Variants in CASTOR1 observed in about 807,000 individuals in gnomAD.
CASTOR1 encodes cytosolic arginine sensor for mTORC1 subunit 1, also known as GATS protein like 3.
A neutral mutation model predicts 33.7 loss-of-function variants in CASTOR1; 18 were observed. The ratio of observed to expected loss-of-function variants is 0.53; its 90% CI spans 0.37 to 0.79. CASTOR1 has a LOEUF of 0.79. CASTOR1 is among the 30% of genes least tolerant of loss of function. The probability of loss-of-function intolerance (pLI) is 0.00; values close to 1 mark genes in which losing one functional copy is unlikely to be tolerated. For synonymous variants in CASTOR1, 175 were observed against 190.6 expected (o/e 0.92, Z 0.67); for missense variants, 362 against 446.3 (o/e 0.81, Z 1.70).
chr22:30,286,450 G>T (rs947786475), intron 5 of CASTOR1, 74 bp from the exon 6 acceptor site: 2 of 1,035,122 alleles, frequency 1.9e-6, no homozygotes, highest in African/African-American at 1.6e-5. Context: ...TCAGCCTCCA[G>T]AACCCTGGGA....
chr22:30,289,269 ACCCGCTCCCG>A, intron 1 of CASTOR1, 106 bp downstream of exon 1: 2 of 808,298 alleles, frequency 2.5e-6, no homozygotes, highest in South Asian at 3.0e-5. Context: ...AGTCCTCCCC[ACCCGCTCCCG>A]CCCGCCTGCC....
In CASTOR1 at chr22:30,288,792, G is replaced by A; in HGVS notation, c.114-16C>T. 6.2e-7 allele frequency: 1 copy of A among 1,605,158 alleles called. No individual in the cohort carries two copies. The highest frequency in any genetic ancestry group is 2.3e-5 in the East Asian group (1 of 44,430). ...GAACTTGCACCTGGTTGGGGGTGGG[G>A]AGCATCTTCAGCTTGGTGTGGAGAA... is the stretch of plus-strand genomic sequence containing the variant. On this transcript the variant is annotated splice_polypyrimidine_tract_variant and intron_variant, in intron 1 of 8. Transcript: ENST00000407689.
chr22:30,288,634 C>T, intron 2 of CASTOR1, 72 bp downstream of exon 2: 2 of 1,337,974 alleles, frequency 1.5e-6, no homozygotes, highest in Non-Finnish European at 1.1e-6. Flanking sequence ...ATCCCAGCAA[C>T]TGGTGAGAAC....
intron 6 of CASTOR1, 35 bp from the exon 7 acceptor site, chr22:30,286,133 C>G (rs770698252): frequency 6.7e-7 from 1 of 1,481,538 alleles, no homozygotes; most frequent in Admixed American, 1.9e-5. Flanking sequence ...CAGGGCACCC[C>G]CATCCACCCC....
At position 30,287,367 on chromosome 22, in the gene CASTOR1, A is replaced by G. The variant is rs1464973229; in HGVS notation, c.372+6T>C. 2 of 1,607,694 alleles carry G rather than the reference A, an allele frequency of 1.2e-6. No homozygotes were observed. Among genetic ancestry groups the G allele is most frequent in the Non-Finnish European group, 1.7e-6 (2 of 1,175,970 alleles). On this transcript the variant is annotated splice_donor_region_variant and intron_variant, in intron 3 of 8. Transcript: ENST00000407689. ...TGCTCTGCATCAGCACCAGCAGGAA[A>G]CTCACCAGGATGAAGTCCGTCTGGT...
intron 6 of CASTOR1, 41 bp downstream of exon 6, chr22:30,286,222 G>A: frequency 6.6e-7 from 1 of 1,516,032 alleles, no homozygotes; most frequent in Non-Finnish European, 9.1e-7. Context: ...GCCTGGGACT[G>A]GCTGGGGCCT....
chr22:30,285,883 G>A lies in CASTOR1; in HGVS notation c.870C>T (p.Ala290=), dbSNP rs374186822. 3.2e-5 allele frequency: 51 copies of A among 1,610,596 alleles called. No homozygotes were observed. Among genetic ancestry groups the A allele is most frequent in the East Asian group, 4.5e-5 (2 of 44,820 alleles). Residue 290 remains alanine, a synonymous_variant, in exon 8 of 9, where the codon GCC becomes GCT. Coordinates refer to ENST00000407689, the MANE Select transcript of CASTOR1 (RefSeq NM_001037666.3). ...TGATGTAGTAGGCAGAGATGTCAGCGGCAGCCAGGGGACCTGCAATCTGTG... is the reference window on the plus strand; with the variant it reads ...TGATGTAGTAGGCAGAGATGTCAGCAGCAGCCAGGGGACCTGCAATCTGTG... ...IVAQIAGPLA[A]ADISAYYIST...
chr22:30,288,986 C>CCA, intron 1 of CASTOR1: 1 of 560,150 alleles, frequency 1.8e-6, no homozygotes, highest in East Asian at 3.1e-5. Flanking sequence ...CAGGAACCCT[C>CCA]CACCCCTCCA....
In CASTOR1 at chr22:30,286,857, G is replaced by A. The variant is rs764378322; in HGVS notation, c.597C>T (p.Thr199=). The change falls in exon 5 of 9, where the codon ACC becomes ACT. Residue 199 remains threonine, a synonymous_variant. Coordinates refer to ENST00000407689, the MANE Select transcript of CASTOR1 (RefSeq NM_001037666.3). ...LDPETLPAIA[T]TLIDVLFYSH... is the part of the protein sequence containing the mutation. ...AGTAGAAGAGGACATCTATGAGGGT[G>A]GTGGCGATGGCTGGAAGCGTCTCAG... 6.2e-7 allele frequency: 1 copy of A among 1,614,234 alleles called. No individual in the cohort carries two copies. Among genetic ancestry groups the A allele is most frequent in the Non-Finnish European group, 8.5e-7 (1 of 1,180,038 alleles).
Position 30,285,580 on chromosome 22 carries a change from C to A in CASTOR1, c.*40G>T, listed in dbSNP as rs748428899. The A allele has an allele frequency of 6.8e-6, 10 of 1,468,356 alleles. No homozygotes were observed. In the African/African-American group the frequency reaches 9.9e-5, roughly 14 times the overall value. The allele number at this position is 1,468,356 out of a possible 1,614,324, so 91.0% of individuals were successfully genotyped here. On this transcript the variant is annotated 3_prime_UTR_variant, in exon 9 of 9. Transcript: ENST00000407689. ...TAGAGAAGTCTTTGGAAGCCTGGGT[C>A]GAGGGGAGAGCAGGGAGGCTGCTCT...
chr22:30,285,458 C>T lies in CASTOR1; in HGVS notation c.*162G>A, dbSNP rs1014403433. 1.3e-5 allele frequency: 8 copies of T among 602,232 alleles called. No individual in the cohort carries two copies. Among genetic ancestry groups the T allele is most frequent in the South Asian group, 5.9e-5 (3 of 50,972 alleles). The allele number at this position is 602,232 out of a possible 1,614,324, so 37.3% of individuals were successfully genotyped here. A position where few individuals can be genotyped will look rare whatever the true frequency, so the allele number is the denominator to read the frequency against. ...ACCTGTGAGTGTACACAGGTGTCCG[C>T]GTAAAAGCCGGTGCCTGCACGCAGC... is the stretch of plus-strand genomic sequence containing the variant. On this transcript the variant is annotated 3_prime_UTR_variant, in exon 9 of 9. Coordinates refer to ENST00000407689, the MANE Select transcript of CASTOR1 (RefSeq NM_001037666.3).
chr22:30,289,442 CCGGGACGGGCG>C lies in CASTOR1; in HGVS notation c.45_55del (p.Ala16SerfsTer30). On this transcript the variant is annotated frameshift_variant, in exon 1 of 9. Transcript: ENST00000407689. LOFTEE classifies it high-confidence loss of function. ...GAGCGGGTGGGTGTAGAGCCAGAGA[CCGGGACGGGCG>C]ACGCTCAGCACCCGCACCCGGTGTT... 6.2e-7 allele frequency: 1 copy of C among 1,600,030 alleles called. No homozygotes were observed. The highest frequency in any genetic ancestry group is 8.5e-7 in the Non-Finnish European group (1 of 1,177,100).
Position 30,288,722 on chromosome 22 carries a change from G to A in CASTOR1, c.168C>T (p.Asp56=), listed in dbSNP as rs1486886883. 6.2e-7 allele frequency: 1 copy of A among 1,612,072 alleles called. No individual in the cohort carries two copies. Among genetic ancestry groups the A allele is most frequent in the Admixed American group, 1.7e-5 (1 of 59,532 alleles). ...ETPEDYTLMV[D]EEGFKELPPS... Reference sequence around the variant, plus strand: ...AACCCCCACCTTTAAAGCCCTCCTCGTCCACCATAAGCGTGTAATCCTCAG... The same window carrying A: ...AACCCCCACCTTTAAAGCCCTCCTCATCCACCATAAGCGTGTAATCCTCAG... Residue 56 remains aspartate (D), a synonymous_variant, in exon 2 of 9, where the codon GAC becomes GAT. Coordinates refer to ENST00000407689, the MANE Select transcript of CASTOR1 (RefSeq NM_001037666.3).
chr22:30,287,010 G>T, intron 4 of CASTOR1, 62 bp from the exon 5 acceptor site: 1 of 1,571,406 alleles, frequency 6.4e-7, no homozygotes, highest in Middle Eastern at 1.7e-4. Context: ...CTGGTGGCTA[G>T]TCAGGGAGAG....
intron 1 of CASTOR1, 195 bp from the exon 2 acceptor site, chr22:30,288,971 C>T: frequency 1.8e-6 from 1 of 570,412 alleles, no homozygotes; most frequent in Non-Finnish European, 3.1e-6. Context: ...GCCTCCCGAC[C>T]TCTCCAGGAA....
chr22:30,287,891 C>T (rs760953964), intron 2 of CASTOR1: 5 of 554,808 alleles, frequency 9.0e-6, no homozygotes, highest in South Asian at 7.6e-5. Context: ...ATATCTACCT[C>T]ACTACGGTGT....
intron 4 of CASTOR1, 94 bp from the exon 5 acceptor site, chr22:30,287,042 T>A: frequency 1.3e-6 from 2 of 1,553,540 alleles, no homozygotes; most frequent in Non-Finnish European, 1.7e-6. Context: ...GGGCAGGTCT[T>A]GCTATCCAGG....
intron 4 of CASTOR1, 92 bp from the exon 5 acceptor site, chr22:30,287,040 C>T: frequency 6.4e-7 from 1 of 1,554,100 alleles, no homozygotes; most frequent in Non-Finnish European, 8.7e-7. Context: ...AGGGGCAGGT[C>T]TTGCTATCCA....
At chr22:30,286,983 G>C in intron 4 of CASTOR1, 35 bp from the exon 5 acceptor site, 15 of 1,585,212 alleles carry the variant, frequency 9.5e-6, no homozygotes, top group Non-Finnish European at 1.2e-5. Flanking sequence ...AAAGGTGTCC[G>C]TGGGCTGGGG....
Sources: allele counts gnomAD v4.1 joint callset, GRCh38; gene constraint gnomAD v4.1.1; transcripts MANE v1.5; gene names NCBI Gene and HGNC (gene_info 2026-07-23, HGNC 2026-07-21).